The following KANK4 variants were observed in gnomAD, a reference collection of about 807,000 sequenced individuals.
KANK4 encodes the protein KN motif and ankyrin repeat domains 4.
KANK4 carries 50 observed loss-of-function variants against 80.8 expected under a neutral mutation model. The observed-to-expected ratio is 0.62, with a 90% CI of 0.49 to 0.78. The LOEUF is 0.78. Among genes scored for constraint, KANK4 ranks in the 30% least tolerant of loss-of-function variants. The pLI is 0.00. For synonymous variants in KANK4, 465 were observed against 506.9 expected (o/e 0.92, Z 1.11); for missense variants, 1,196 against 1,240.1 (o/e 0.96, Z 0.53).
intron 1 of KANK4, among the ~76,000 whole-genome samples, chr1:62,288,331 G>C (rs1391891388): frequency 6.6e-6 from 1 of 152,210 alleles, no homozygotes; most frequent in South Asian, 2.1e-4. Context: ...CAGCAAGATG[G>C]GGGCTAGGCC....
At chr1:62,259,856 C>T (rs1325902259) in intron 7 of KANK4, among the ~76,000 whole-genome samples, 3 of 151,754 alleles carry the variant, frequency 2.0e-5, no homozygotes, top group Non-Finnish European at 4.4e-5. Flanking sequence ...AAGGCCACAT[C>T]TGTGGGGATC....
intron 1 of KANK4, among the ~76,000 whole-genome samples, chr1:62,282,527 G>C (rs1247738296): frequency 6.6e-6 from 1 of 152,194 alleles, no homozygotes; most frequent in East Asian, 1.9e-4. Flanking sequence ...CAGTGATGAG[G>C]GAAGGACTGG....
chr1:62,265,724 G>T (rs1405602542), intron 6 of KANK4, among the ~76,000 whole-genome samples: 2 of 152,184 alleles, frequency 1.3e-5, no homozygotes, highest in Non-Finnish European at 2.9e-5. Flanking sequence ...GGGTCTTACA[G>T]CTGCTCTCAT....
At chr1:62,287,182 A>G (rs1021580047) in intron 1 of KANK4, among the ~76,000 whole-genome samples, 4 of 152,220 alleles carry the variant, frequency 2.6e-5, no homozygotes, top group African/African-American at 9.6e-5. Flanking sequence ...TGTGAGGTGC[A>G]GGCACCAGAC....
At chr1:62,267,331 AAG>A (rs1265377524) in intron 5 of KANK4, among the ~76,000 whole-genome samples, 3 of 152,158 alleles carry the variant, frequency 2.0e-5, no homozygotes, top group African/African-American at 7.2e-5. Flanking sequence ...CCACAGTGAC[AAG>A]CACTCTTCCT....
At chr1:62,262,766 A>C (rs1671917298) in intron 7 of KANK4, among the ~76,000 whole-genome samples, 1 of 152,210 alleles carries the variant, frequency 6.6e-6, no homozygotes, top group African/African-American at 2.4e-5. Context: ...TCAAGAACGG[A>C]AAACCAAATA....
At position 62,275,063 on chromosome 1, in the gene KANK4, TC is replaced by T; in HGVS notation, c.40del (p.Asp14MetfsTer22). The T allele has an allele frequency of 6.2e-7, 1 of 1,611,216 alleles. No individual in the cohort carries two copies. Among genetic ancestry groups the T allele is most frequent in the Non-Finnish European group, 8.5e-7 (1 of 1,178,662 alleles). ...GCTCTTCGGAGGGTCTTTCTCTTCA[TC>T]CCCCTGAGAGGACTGGTCTTTGGCT... is the stretch of plus-strand genomic sequence containing the variant. ...TDAKDQSSQG[D>X]EEKDPPKSHP... is the part of the protein sequence containing the mutation. On this transcript the variant is annotated frameshift_variant, in exon 3 of 10. Transcript: ENST00000371153. LOFTEE classifies it high-confidence loss of function.
rs374887036 is a variant in KANK4, at chr1:62,258,976, C to T, written c.2539+4116G>A. Among the ~76,000 whole-genome samples, 11 of 151,974 alleles carry T rather than the reference C, an allele frequency of 7.2e-5. No individual in the cohort carries two copies. In the East Asian group the frequency reaches 1.2e-3, roughly 16 times the overall value. On this transcript the variant is annotated intron_variant, in intron 7 of 9. Coordinates refer to ENST00000371153, the MANE Select transcript of KANK4 (RefSeq NM_181712.5). ...GAATGACCTTGGTGAGTGAGGCCAGCGTGGCTGGAGTGGAGGGAAGGAGGA... is the reference window on the plus strand; with the variant it reads ...GAATGACCTTGGTGAGTGAGGCCAGTGTGGCTGGAGTGGAGGGAAGGAGGA...
intron 1 of KANK4, among the ~76,000 whole-genome samples, chr1:62,315,668 G>T (rs1336209518): frequency 2.6e-5 from 4 of 152,296 alleles, no homozygotes; most frequent in South Asian, 2.1e-4. Flanking sequence ...AGTTTTAAAA[G>T]TAAGTATATA....
rs1672269233 is a variant in KANK4, at chr1:62,274,778, G to A, written c.326C>T (p.Ser109Leu). 3.7e-6 allele frequency: 6 copies of A among 1,614,072 alleles called. No individual in the cohort carries two copies. The highest frequency in any genetic ancestry group is 1.1e-5 in the South Asian group (1 of 91,066). ...CTGGGGGGCATTACCAAGCGGTGGT[G>A]ACTGGTTTTGCTCCTGTGTCCCAAG... ...ASLGTQEQNQ[S>L]PPLGNAPQAS... The change falls in exon 3 of 10, where the codon TCA becomes TTA. Residue 109 changes from serine (S) to leucine (L), a missense_variant. Ser to Leu is a moderately radical substitution (Grantham distance 145). Coordinates refer to ENST00000371153, the MANE Select transcript of KANK4 (RefSeq NM_181712.5).
At chr1:62,259,419 G>A (rs1671825987) in intron 7 of KANK4, among the ~76,000 whole-genome samples, 1 of 152,082 alleles carries the variant, frequency 6.6e-6, no homozygotes. Context: ...TGGGACCACA[G>A]GCGTGTGCCA....
intron 1 of KANK4, among the ~76,000 whole-genome samples, chr1:62,312,626 C>T (rs532961459): frequency 1.2e-3 from 177 of 152,350 alleles, no homozygotes; most frequent in African/African-American, 4.1e-3. Flanking sequence ...CCACCCCTCT[C>T]ATCCAACTGG....
At chr1:62,305,366 T>C (rs1644442752) in intron 1 of KANK4, among the ~76,000 whole-genome samples, 1 of 152,162 alleles carries the variant, frequency 6.6e-6, no homozygotes, top group Non-Finnish European at 1.5e-5. Context: ...TGGAGTGAAA[T>C]GGCGTGATCT....
Position 62,247,584 on chromosome 1 carries a change from A to T in KANK4, c.2771T>A (p.Leu924Gln), listed in dbSNP as rs1168519936. 6.2e-7 allele frequency: 1 copy of T among 1,613,988 alleles called. No homozygotes were observed. The highest frequency in any genetic ancestry group is 1.3e-5 in the African/African-American group (1 of 74,930). ...GGCCGAGGATCCATCGTGGTCCTGC[A>T]GATTGACATCTGCCTGGCAGCTAAG... ...ALLSCQADVNLQDHDGSSALM... is the reference protein window; with the variant it reads ...ALLSCQADVNQQDHDGSSALM... Residue 924 changes from leucine to glutamine, a missense_variant, in exon 9 of 10, where the codon CTG becomes CAG. By Grantham distance (113) the Leu-to-Gln change is moderately radical (BLOSUM62 -2). Coordinates refer to ENST00000371153, the MANE Select transcript of KANK4 (RefSeq NM_181712.5).
rs889040344 is a variant in KANK4, at chr1:62,305,809, C to T, written c.-71+13297G>A. Among the ~76,000 whole-genome samples the T allele has an allele frequency of 1.2e-4, 18 of 152,254 alleles. No individual in the cohort carries two copies. In the South Asian group the frequency reaches 1.2e-3, roughly 11 times the overall value. Reference sequence around the variant, plus strand: ...GACACTGCATTGCGCTCTGATAACCCAGTACCCAAAAAGCTGCTTTGAACA... The same window carrying T: ...GACACTGCATTGCGCTCTGATAACCTAGTACCCAAAAAGCTGCTTTGAACA... On this transcript the variant is annotated intron_variant, in intron 1 of 9. Transcript: ENST00000371153.
intron 1 of KANK4, among the ~76,000 whole-genome samples, chr1:62,297,306 GCTA>G (rs1644374567): frequency 2.9e-5 from 2 of 69,994 alleles, no homozygotes; most frequent in African/African-American, 3.0e-4. Flanking sequence ...ATTATTGCTA[GCTA>G]GATACTGTTG....
intron 9 of KANK4, among the ~76,000 whole-genome samples, chr1:62,243,192 G>A (rs921957947): frequency 1.5e-4 from 23 of 152,036 alleles, no homozygotes; most frequent in African/African-American, 4.6e-4. Context: ...CAGCCTACCC[G>A]AACTCCAGCC....
At chr1:62,253,279 T>C (rs962417564) in intron 7 of KANK4, 70 bp from the exon 8 acceptor site, 5 of 1,456,142 alleles carry the variant, frequency 3.4e-6, no homozygotes, top group Non-Finnish European at 3.7e-6. Context: ...TTTAGCCGTT[T>C]CAATGGGACA....
intron 9 of KANK4, among the ~76,000 whole-genome samples, chr1:62,242,309 C>T (rs1298775362): frequency 7.4e-6 from 1 of 134,244 alleles, no homozygotes; most frequent in African/African-American, 2.8e-5. Flanking sequence ...TTGCAATAAG[C>T]CATGATCGTG....
Sources: allele counts gnomAD v4.1 joint callset (sites outside exome capture counted in the v4.1 genomes callset), GRCh38; gene constraint gnomAD v4.1.1; transcripts MANE v1.5; gene names NCBI Gene and HGNC (gene_info 2026-07-23, HGNC 2026-07-21).